The following SPOCK3 variants were observed in gnomAD, a reference collection of about 807,000 sequenced individuals.
SPOCK3 encodes testican-3.
SPOCK3 carries 30 observed loss-of-function variants against 56.6 expected under a neutral mutation model. The ratio of observed to expected loss-of-function variants is 0.53; its 90% CI spans 0.40 to 0.72. The LOEUF is 0.72. Ranked by LOEUF, SPOCK3 falls within the 30% of genes least tolerant of loss-of-function variation. The pLI is 0.00. For synonymous variants in SPOCK3, 196 were observed against 183.3 expected, an observed-to-expected ratio of 1.07 and a Z score of -0.56; for missense variants, 527 against 530.0, an observed-to-expected ratio of 0.99 and a Z score of 0.06.
intron 2 of SPOCK3, among the ~76,000 whole-genome samples, chr4:167,143,451 T>C (rs910864716): frequency 3.3e-5 from 5 of 151,972 alleles, no homozygotes; most frequent in African/African-American, 1.2e-4. Flanking sequence ...TCTTAACACA[T>C]ACCTAGCAAA....
intron 2 of SPOCK3, among the ~76,000 whole-genome samples, chr4:167,082,977 A>C (rs28535787): frequency 0.063 from 9,511 of 152,084 alleles, 474 homozygotes; most frequent in African/African-American, 0.14. Flanking sequence ...TTGTGATTTT[A>C]TAATTCTTGG....
intron 3 of SPOCK3, among the ~76,000 whole-genome samples, chr4:167,020,804 A>C (rs1751092848): frequency 6.6e-6 from 1 of 152,090 alleles, no homozygotes; most frequent in African/African-American, 2.4e-5. Context: ...CCATTACAAA[A>C]AAAAGAAGCT....
In SPOCK3 at chr4:167,055,672, T is replaced by G. The variant is rs4273495; in HGVS notation, c.235+6820A>C. Among the ~76,000 whole-genome samples the G allele has an allele frequency of 4.8e-4, 73 of 152,198 alleles. 1 individual carries two copies. Among genetic ancestry groups the G allele is most frequent in the African/African-American group, 1.6e-3 (67 of 41,532 alleles). ...TATATCCCGCACCTGGCTCAGAGGG[T>G]CCTACGCCCACGGAGTCTCACTGAT... On this transcript the variant is annotated intron_variant, in intron 3 of 10. Transcript: ENST00000357545.
At chr4:166,785,326 G>A (rs1349941926) in intron 7 of SPOCK3, among the ~76,000 whole-genome samples, 1 of 151,948 alleles carries the variant, frequency 6.6e-6, no homozygotes. Context: ...ATGACAGACT[G>A]TATAAACTCC....
At chr4:166,910,697 A>G (rs1440055747) in intron 5 of SPOCK3, among the ~76,000 whole-genome samples, 1 of 152,160 alleles carries the variant, frequency 6.6e-6, no homozygotes, top group Non-Finnish European at 1.5e-5. Flanking sequence ...CAAAAATGTC[A>G]GCAGAAGCCA....
chr4:167,094,419 C>G (rs982452764), intron 2 of SPOCK3, among the ~76,000 whole-genome samples: 1 of 151,898 alleles, frequency 6.6e-6, no homozygotes, highest in Non-Finnish European at 1.5e-5. Flanking sequence ...TAAGTATATA[C>G]CCTGGCAAAA....
At chr4:167,170,910 A>G (rs1730444713) in intron 2 of SPOCK3, among the ~76,000 whole-genome samples, 2 of 152,124 alleles carry the variant, frequency 1.3e-5, no homozygotes, top group South Asian at 4.1e-4. Flanking sequence ...TCCCTGACTT[A>G]CAGCTGAAAA....
chr4:167,118,106 T>C (rs1337519952), intron 2 of SPOCK3, among the ~76,000 whole-genome samples: 1 of 152,156 alleles, frequency 6.6e-6, no homozygotes, highest in Admixed American at 6.6e-5. Context: ...GAAAAGTTCT[T>C]TCAGTATTAT....
At chr4:166,795,924 G>T (rs1359676507) in intron 6 of SPOCK3, among the ~76,000 whole-genome samples, 3 of 152,096 alleles carry the variant, frequency 2.0e-5, no homozygotes, top group East Asian at 3.9e-4. Flanking sequence ...CAGTCTTATG[G>T]TATTAGAAGA....
At chr4:167,190,938 T>G (rs1732422096) in intron 2 of SPOCK3, among the ~76,000 whole-genome samples, 1 of 145,608 alleles carries the variant, frequency 6.9e-6, no homozygotes, top group Non-Finnish European at 1.5e-5. Flanking sequence ...ATTAAGTGCA[T>G]TAATTGACTT....
intron 8 of SPOCK3, among the ~76,000 whole-genome samples, chr4:166,743,142 A>G (rs1735082855): frequency 6.6e-6 from 1 of 152,062 alleles, no homozygotes; most frequent in Non-Finnish European, 1.5e-5. Flanking sequence ...TCTTATCTGA[A>G]AGCAGTTTAG....
chr4:167,170,426 C>T (rs1730399559), intron 2 of SPOCK3, among the ~76,000 whole-genome samples: 2 of 152,146 alleles, frequency 1.3e-5, no homozygotes, highest in South Asian at 4.1e-4. Context: ...CCATCATCAA[C>T]TATACACTTT....
At chr4:167,052,911 G>T (rs1362219608) in intron 3 of SPOCK3, among the ~76,000 whole-genome samples, 1 of 152,144 alleles carries the variant, frequency 6.6e-6, no homozygotes, top group African/African-American at 2.4e-5. Flanking sequence ...AGTTAGGAGT[G>T]CATTTCCTCA....
chr4:166,985,430 T>C (rs946410034), intron 4 of SPOCK3, among the ~76,000 whole-genome samples: 3 of 152,254 alleles, frequency 2.0e-5, no homozygotes, highest in Middle Eastern at 3.4e-3. Flanking sequence ...GGATTAGCAA[T>C]TTTTAGTTAT....
rs1007950678 is a variant in SPOCK3, at chr4:167,060,042, C to A, written c.235+2450G>T. Reference sequence around the variant, plus strand: ...GGGAGGGATAGCTTTAGGAGATATACCTAATGCTAAATGACGAGTTAATGG... The same window carrying A: ...GGGAGGGATAGCTTTAGGAGATATAACTAATGCTAAATGACGAGTTAATGG... On this transcript the variant is annotated intron_variant, in intron 3 of 10. Coordinates refer to ENST00000357545, the MANE Select transcript of SPOCK3 (RefSeq NM_001040159.2). Among the ~76,000 whole-genome samples, 204 of 150,996 alleles carry A rather than the reference C, an allele frequency of 1.4e-3. 2 individuals carry two copies. The highest frequency in any genetic ancestry group is 4.7e-3 in the African/African-American group (193 of 41,172).
intron 6 of SPOCK3, among the ~76,000 whole-genome samples, chr4:166,809,038 CA>C (rs935612165): frequency 2.0e-5 from 3 of 151,648 alleles, no homozygotes; most frequent in African/African-American, 4.8e-5. Flanking sequence ...ACCAGAGTTA[CA>C]AAAAAACATG....
chr4:167,176,604 A>T (rs1731005199), intron 2 of SPOCK3, among the ~76,000 whole-genome samples: 1 of 152,120 alleles, frequency 6.6e-6, no homozygotes, highest in Non-Finnish European at 1.5e-5. Context: ...GCATAAAGAC[A>T]AGTGCTTCCA....
intron 2 of SPOCK3, among the ~76,000 whole-genome samples, chr4:167,112,443 T>G (rs1215865418): frequency 2.0e-5 from 3 of 152,150 alleles, no homozygotes; most frequent in Non-Finnish European, 4.4e-5. Flanking sequence ...TCTGCCTACC[T>G]ACTTCATTCC....
At chr4:167,131,025 C>T (rs1372797304) in intron 2 of SPOCK3, among the ~76,000 whole-genome samples, 2 of 151,584 alleles carry the variant, frequency 1.3e-5, no homozygotes, top group Non-Finnish European at 2.9e-5. Context: ...AATTAACAAA[C>T]CTTAATAGAC....
Sources: gnomAD v4.1 joint callset for allele counts (sites outside exome capture counted in the v4.1 genomes callset) on GRCh38, gnomAD v4.1.1 for gene constraint, MANE v1.5 for transcripts, NCBI Gene and HGNC (gene_info 2026-07-23, HGNC 2026-07-21) for gene names.